Variants in ARFRP1 observed in about 807,000 individuals in gnomAD.
ARFRP1 encodes ARF related protein 1.
ARFRP1 carries 19 observed loss-of-function variants against 30.3 expected under a neutral mutation model. The observed-to-expected ratio is 0.63, with a 90% CI of 0.44 to 0.92. The LOEUF (loss-of-function observed/expected upper bound fraction) is 0.92, where lower values mean the gene tolerates loss of function less well. Ranked by LOEUF, ARFRP1 falls within the 40% of genes least tolerant of loss-of-function variation. The probability of loss-of-function intolerance (pLI) is 0.00; values close to 1 mark genes in which losing one functional copy is unlikely to be tolerated. For synonymous variants in ARFRP1, 133 were observed against 114.2 expected (o/e 1.16, Z -1.05); for missense variants, 245 against 267.5 (o/e 0.92, Z 0.59).
At chr20:63,704,519 A>G (rs1330550697) in intron 4 of ARFRP1, 1 of 152,224 alleles carries the variant, frequency 6.6e-6, no homozygotes, top group African/African-American at 2.4e-5. Flanking sequence ...TCAGACTGCC[A>G]GGAAGTCGCA....
In ARFRP1 at chr20:63,698,738, C is replaced by A; in HGVS notation, c.*1705G>T. The A allele has an allele frequency of 1.4e-6, 1 of 737,396 alleles. No individual in the cohort carries two copies. Among genetic ancestry groups the A allele is most frequent in the East Asian group, 3.5e-5 (1 of 28,900 alleles). 45.7% of individuals were successfully genotyped at this position (737,396 alleles called of 1,614,324 possible). ...GGCAGCCGGGGACACCTGAGCCGCC[C>A]GCTGTGCCCAGATCCCTCAGGCTGC... On this transcript the variant is annotated 3_prime_UTR_variant, in exon 8 of 8. Coordinates refer to ENST00000622789, the MANE Select transcript of ARFRP1 (RefSeq NM_001267547.3).
intron 4 of ARFRP1, chr20:63,705,663 G>A (rs368537929): frequency 3.2e-5 from 17 of 532,996 alleles, no homozygotes; most frequent in Middle Eastern, 3.2e-4. Context: ...CCATCCTGCC[G>A]TCCCCACATC....
At chr20:63,701,998 G>GGGCC in intron 5 of ARFRP1, 98 bp from the exon 6 acceptor site, 2 of 583,914 alleles carry the variant, frequency 3.4e-6, no homozygotes, top group Non-Finnish European at 2.6e-6. Flanking sequence ...CACTCCCTCT[G>GGGCC]CCCCCCCCCC....
chr20:63,704,950 C>T (rs1258836972), intron 4 of ARFRP1: 2 of 152,362 alleles, frequency 1.3e-5, no homozygotes, highest in African/African-American at 4.8e-5. Context: ...AGTTCTCCTC[C>T]AGGGCTCCCT....
In ARFRP1 at chr20:63,700,168, C is replaced by T; in HGVS notation, c.*275G>A. On this transcript the variant is annotated 3_prime_UTR_variant, in exon 8 of 8. Coordinates refer to ENST00000622789, the MANE Select transcript of ARFRP1 (RefSeq NM_001267547.3). ...TTCCCAACCAGGTCTCCCTCAGACC[C>T]CCCAGAAAGGGCCTCGAAAGGCCGC... 2.1e-6 allele frequency: 1 copy of T among 469,858 alleles called. No homozygotes were observed. The highest frequency in any genetic ancestry group is 2.1e-5 in the South Asian group (1 of 47,774). The allele number at this position is 469,858 out of a possible 1,614,324, so 29.1% of individuals were successfully genotyped here. A position where few individuals can be genotyped will look rare whatever the true frequency, so the allele number is the denominator to read the frequency against.
At position 63,707,004 on chromosome 20, in the gene ARFRP1, T is replaced by C; in HGVS notation, c.88A>G (p.Lys30Glu). ...ILILGLDNAG[K>E]TTFLEQSKTR... ...GCAAGGGCGTGGGCACTCACCGTCT[T>C]CCCAGCATTGTCCAGGCCCAGGATC... Residue 30 changes from lysine (K) to glutamate (E), a missense_variant, in exon 2 of 8, where the codon AAG (lysine) becomes GAG (glutamate). Lys to Glu is a moderately conservative substitution (Grantham distance 56). Coordinates refer to ENST00000622789, the MANE Select transcript of ARFRP1 (RefSeq NM_001267547.3). 6.2e-7 allele frequency: 1 copy of C among 1,613,748 alleles called. No individual in the cohort carries two copies. Among genetic ancestry groups the C allele is most frequent in the Non-Finnish European group, 8.5e-7 (1 of 1,179,982 alleles).
chr20:63,701,722 C>G lies in ARFRP1; in HGVS notation c.417+108G>C, dbSNP rs1021127688. 13 of 1,041,064 alleles carry G rather than the reference C, an allele frequency of 1.2e-5. No homozygotes were observed. The East Asian group carries it at 2.6e-4, about 21-fold the overall frequency. 64.5% of individuals were successfully genotyped at this position (1,041,064 alleles called of 1,614,324 possible). A position where few individuals can be genotyped will look rare whatever the true frequency, so the allele number is the denominator to read the frequency against. On this transcript the variant is annotated intron_variant, in intron 6 of 7. Coordinates refer to ENST00000622789, the MANE Select transcript of ARFRP1 (RefSeq NM_001267547.3). Reference sequence around the variant, plus strand: ...AGGCCTTGAGAATGGCTCTGTACCCCCTGGGCAGTCACTGGGCCTGGGGTG... The same window carrying G: ...AGGCCTTGAGAATGGCTCTGTACCCGCTGGGCAGTCACTGGGCCTGGGGTG...
intron 4 of ARFRP1, chr20:63,704,495 G>A (rs1457916753): frequency 6.6e-6 from 1 of 152,218 alleles, no homozygotes; most frequent in Non-Finnish European, 1.5e-5. Context: ...CCACGGTGGT[G>A]TCTGGAGAAG....
rs1178339570 is a variant in ARFRP1 at position 63,706,675 on chromosome 20, T to C, written c.157A>G (p.Ile53Val). The change falls in exon 3 of 8, where the codon ATC becomes GTC. Residue 53 changes from isoleucine (I) to valine (V), a missense_variant. Ile to Val is a conservative substitution (Grantham distance 29). Transcript: ENST00000622789. Reference sequence around the variant, plus strand: ...CTGTTTAGGCCCACGGTGGTGGTGATTTTGGATAGACTCATCCCCTTGTAG... The same window carrying C: ...CTGTTTAGGCCCACGGTGGTGGTGACTTTGGATAGACTCATCCCCTTGTAG... ...KNYKGMSLSK[I>V]TTTVGLNIGT... 2 of 1,613,656 alleles carry C rather than the reference T, an allele frequency of 1.2e-6. No homozygotes were observed. The highest frequency in any genetic ancestry group is 1.7e-5 in the Admixed American group (1 of 60,010).
rs762444528 is a variant in ARFRP1 at position 63,700,110 on chromosome 20, C to T, written c.*333G>A. 248 of 378,634 alleles carry T rather than the reference C, an allele frequency of 6.5e-4. 2 individuals carry two copies. The highest frequency in any genetic ancestry group is 7.4e-4 in the Non-Finnish European group (147 of 197,616). 23.5% of individuals were successfully genotyped at this position (378,634 alleles called of 1,614,324 possible). A position where few individuals can be genotyped will look rare whatever the true frequency, so the allele number is the denominator to read the frequency against. The stretch of plus-strand genomic sequence containing the variant: ...AGGGTCCCACAGGGCTGTCCTCATG[C>T]AGCCCAAGCCAGCCTGAGCACTGGA... On this transcript the variant is annotated 3_prime_UTR_variant, in exon 8 of 8. Coordinates refer to ENST00000622789, the MANE Select transcript of ARFRP1 (RefSeq NM_001267547.3).
At chr20:63,707,176 G>A (rs2091522435) in intron 1 of ARFRP1, 79 bp from the exon 2 acceptor site, 4 of 1,278,826 alleles carry the variant, frequency 3.1e-6, no homozygotes, top group South Asian at 1.3e-5. Context: ...GGTCAGTGGC[G>A]CCCCACGTCC....
At chr20:63,701,286 A>AC (rs367993153) in intron 6 of ARFRP1, 409,159 of 529,024 alleles carry the variant, frequency 0.77, 161,135 homozygotes, top group African/African-American at 0.94. Flanking sequence ...GTGAAGATTC[A>AC]CCTGGCCCTC....
Position 63,700,488 on chromosome 20 carries a change from GAC to G in ARFRP1, c.559_560del (p.Val187ArgfsTer128). 1 of 1,610,450 alleles carries G rather than the reference GAC, an allele frequency of 6.2e-7. No homozygotes were observed. The highest frequency in any genetic ancestry group is 8.5e-7 in the Non-Finnish European group (1 of 1,179,872). ...GCGGCGGCCGGTGCACATTCCGCAC[GAC>G]ACACTTCACCATCCACTCGATGCCC... ...REGIEWMVKC[V>X]VRNVHRPPRQ... On this transcript the variant is annotated frameshift_variant, in exon 8 of 8. Coordinates refer to ENST00000622789, the MANE Select transcript of ARFRP1 (RefSeq NM_001267547.3). LOFTEE classifies it high-confidence loss of function.
Position 63,706,631 on chromosome 20 carries a change from C to A in ARFRP1, c.181+20G>T. 6.3e-7 allele frequency: 1 copy of A among 1,587,754 alleles called. No individual in the cohort carries two copies. The highest frequency in any genetic ancestry group is 8.7e-7 in the Non-Finnish European group (1 of 1,156,052). ...CATCCTCAAGGCCCCAAACCCACAG[C>A]CTGCTATTGAGACCCTTACTGTTTA... On this transcript the variant is annotated intron_variant, in intron 3 of 7. Coordinates refer to ENST00000622789, the MANE Select transcript of ARFRP1 (RefSeq NM_001267547.3).
At position 63,700,333 on chromosome 20, in the gene ARFRP1, A is replaced by G; in HGVS notation, c.*110T>C. 6.9e-7 allele frequency: 1 copy of G among 1,451,030 alleles called. No homozygotes were observed. The highest frequency in any genetic ancestry group is 9.4e-7 in the Non-Finnish European group (1 of 1,068,640). The allele number at this position is 1,451,030 out of a possible 1,614,324, so 89.9% of individuals were successfully genotyped here. ...TTCGAGAAAACAAAGTAAATAGAAG[A>G]ACCCCAAAGCAAAGCAAACCCACCC... On this transcript the variant is annotated 3_prime_UTR_variant, in exon 8 of 8. Coordinates refer to ENST00000622789, the MANE Select transcript of ARFRP1 (RefSeq NM_001267547.3).
At chr20:63,705,513 C>A in intron 4 of ARFRP1, 1 of 441,510 alleles carries the variant, frequency 2.3e-6, no homozygotes. Flanking sequence ...GGAAGGGGCA[C>A]CACACTGGGA....
At chr20:63,704,088 G>A (rs1346552568) in intron 4 of ARFRP1, 1 of 152,250 alleles carries the variant, frequency 6.6e-6, no homozygotes, top group Non-Finnish European at 1.5e-5. Flanking sequence ...AAGAACCCAG[G>A]AGCTGAGGTC....
intron 1 of ARFRP1, chr20:63,707,467 C>T (rs2091544055): frequency 1.1e-5 from 2 of 179,942 alleles, no homozygotes; most frequent in South Asian, 2.5e-4. Context: ...TGCAGCCCCG[C>T]CTGGGCCACG....
Position 63,700,548 on chromosome 20 carries a change from G to A in ARFRP1, c.519-18C>T, listed in dbSNP as rs2091150244. 1.2e-6 allele frequency: 2 copies of A among 1,610,790 alleles called. No homozygotes were observed. The highest frequency in any genetic ancestry group is 2.2e-5 in the East Asian group (1 of 44,876). On this transcript the variant is annotated intron_variant, in intron 7 of 7. Transcript: ENST00000622789. ...CCCCTTTGCTGTGAAGACAGCGGGT[G>A]TGAGGCGGGGGGTCTCGGTCCCCAA...
Sources: allele counts gnomAD v4.1 joint callset, GRCh38; gene constraint gnomAD v4.1.1; transcripts MANE v1.5; gene names NCBI Gene and HGNC (gene_info 2026-07-23, HGNC 2026-07-21).